NCMAP: variants seen among roughly 807,000 people sequenced by gnomAD.
The protein encoded by NCMAP is noncompact myelin-associated protein.
In NCMAP, 8 loss-of-function variants were observed where a neutral mutation model predicts 7.8. That is an observed-to-expected ratio of 1.02 (90% CI 0.60 to 1.84). The LOEUF is 1.84. Among genes scored for constraint, NCMAP ranks in the 40% most tolerant of loss-of-function variants. The probability of loss-of-function intolerance (pLI) is 0.00; values close to 1 mark genes in which losing one functional copy is unlikely to be tolerated. For synonymous variants in NCMAP, 41 were observed against 52.9 expected (o/e 0.78, Z 0.98); for missense variants, 112 against 131.4 (o/e 0.85, Z 0.72).
intron 1 of NCMAP, among the ~76,000 whole-genome samples, chr1:24,594,033 A>G (rs1202752221): frequency 1.4e-5 from 2 of 141,272 alleles, no homozygotes; most frequent in African/African-American, 4.9e-5. Context: ...CCGGGATTAC[A>G]GGCACCCACC....
chr1:24,578,021 G>T (rs141514727), intron 1 of NCMAP, among the ~76,000 whole-genome samples: 3,472 of 151,842 alleles, frequency 0.023, 124 homozygotes, highest in African/African-American at 0.08. Flanking sequence ...CCAGCACTTT[G>T]GGAGGCTGAG....
intron 1 of NCMAP, 132 bp downstream of exon 1, chr1:24,556,301 G>T (rs1650893892): frequency 6.6e-6 from 1 of 152,270 alleles, no homozygotes; most frequent in Non-Finnish European, 1.5e-5. Context: ...GGGGACGAGG[G>T]GTCCCCAGTC....
intron 1 of NCMAP, among the ~76,000 whole-genome samples, chr1:24,577,420 T>TTTTTTTTTTTTTTG (rs1557596597): frequency 6.3e-5 from 9 of 143,854 alleles, no homozygotes; most frequent in East Asian, 2.2e-4. Context: ...TTTTTTTTTT[T>TTTTTTTTTTTTTTG]TTTTTTTTTT....
intron 1 of NCMAP, among the ~76,000 whole-genome samples, chr1:24,587,027 C>G (rs994394480): frequency 1.3e-5 from 2 of 152,148 alleles, no homozygotes; most frequent in Non-Finnish European, 2.9e-5. Flanking sequence ...TTTATAATTC[C>G]TATTTCACAG....
intron 1 of NCMAP, among the ~76,000 whole-genome samples, chr1:24,559,487 G>C (rs1246050327): frequency 6.6e-6 from 1 of 152,224 alleles, no homozygotes; most frequent in African/African-American, 2.4e-5. Flanking sequence ...AGGGGGCGGA[G>C]CCAGAGGGGG....
intron 3 of NCMAP, among the ~76,000 whole-genome samples, chr1:24,602,748 A>G (rs1347076114): frequency 6.6e-6 from 1 of 150,618 alleles, no homozygotes; most frequent in Non-Finnish European, 1.5e-5. Context: ...GAAAAAAAAA[A>G]AAGTTTTTAA....
chr1:24,589,276 C>T (rs2148933558), intron 1 of NCMAP, among the ~76,000 whole-genome samples: 1 of 152,136 alleles, frequency 6.6e-6, no homozygotes, highest in South Asian at 2.1e-4. Context: ...GGTCATGGCC[C>T]CTGGTCTTAG....
intron 2 of NCMAP, among the ~76,000 whole-genome samples, chr1:24,597,629 A>G (rs796171883): frequency 8.7e-6 from 1 of 114,460 alleles, no homozygotes; most frequent in Non-Finnish European, 1.7e-5. Flanking sequence ...GAAAGAAAGA[A>G]AGAAAGAAAG....
intron 1 of NCMAP, among the ~76,000 whole-genome samples, chr1:24,577,401 G>GTTTTTTTTTTTTTTTTTTTTTTTT (rs71577720): frequency 8.5e-4 from 34 of 39,966 alleles, no homozygotes; most frequent in African/African-American, 9.5e-4. Context: ...CACTGGCCTT[G>GTTTTTTTTTTTTTTTTTTTTTTTT]TTTTTTTTTT....
At chr1:24,581,231 C>T (rs923647610) in intron 1 of NCMAP, among the ~76,000 whole-genome samples, 1 of 152,032 alleles carries the variant, frequency 6.6e-6, no homozygotes, top group Non-Finnish European at 1.5e-5. Flanking sequence ...ATTCTCCTGC[C>T]TCAGCCTCCC....
chr1:24,557,873 G>A (rs994367521), intron 1 of NCMAP, among the ~76,000 whole-genome samples: 5 of 152,154 alleles, frequency 3.3e-5, no homozygotes, highest in African/African-American at 1.2e-4. Flanking sequence ...TGGGCTTGAG[G>A]AACTGGCTGG....
At chr1:24,597,641 AAGAAAG>A (rs1194796297) in intron 2 of NCMAP, among the ~76,000 whole-genome samples, 23 of 126,328 alleles carry the variant, frequency 1.8e-4, no homozygotes, top group African/African-American at 8.2e-4. Context: ...GAAAGAAAGA[AAGAAAG>A]AAAGAAAGAA....
intron 1 of NCMAP, among the ~76,000 whole-genome samples, chr1:24,575,159 C>G (rs1032049303): frequency 2.0e-5 from 3 of 151,654 alleles, no homozygotes; most frequent in Non-Finnish European, 2.9e-5. Context: ...TGCAGTGACC[C>G]GAGATCGTGC....
chr1:24,594,383 T>A (rs1203362611), intron 1 of NCMAP, among the ~76,000 whole-genome samples: 1 of 152,086 alleles, frequency 6.6e-6, no homozygotes. Flanking sequence ...CAGAGAGTGT[T>A]TGAGTCCAAG....
chr1:24,599,491 C>A (rs1043309335), intron 2 of NCMAP, among the ~76,000 whole-genome samples: 3 of 151,976 alleles, frequency 2.0e-5, no homozygotes, highest in African/African-American at 7.3e-5. Flanking sequence ...TACTATGCAG[C>A]CATGGAAAGT....
chr1:24,601,901 T>C (rs1278635821), intron 3 of NCMAP, among the ~76,000 whole-genome samples: 2 of 151,718 alleles, frequency 1.3e-5, no homozygotes, highest in Non-Finnish European at 2.9e-5. Flanking sequence ...ATTAGCCGGG[T>C]GTGGCGGCGT....
At chr1:24,587,223 C>T (rs1222292428) in intron 1 of NCMAP, among the ~76,000 whole-genome samples, 1 of 152,162 alleles carries the variant, frequency 6.6e-6, no homozygotes, top group African/African-American at 2.4e-5. Flanking sequence ...GAATGAGGAA[C>T]CCATGAGGGA....
intron 1 of NCMAP, among the ~76,000 whole-genome samples, chr1:24,573,037 C>G (rs1651434381): frequency 6.6e-6 from 1 of 150,432 alleles, no homozygotes; most frequent in African/African-American, 2.5e-5. Flanking sequence ...AAGGAGCAAC[C>G]ATGACTGTGT....
intron 2 of NCMAP, among the ~76,000 whole-genome samples, chr1:24,597,490 A>G (rs1407939102): frequency 2.6e-5 from 3 of 113,772 alleles, no homozygotes; most frequent in African/African-American, 1.0e-4. Context: ...GGTGTCAGAG[A>G]GAGACTGTCA....
Sources: allele counts gnomAD v4.1 joint callset (sites outside exome capture counted in the v4.1 genomes callset), GRCh38; gene constraint gnomAD v4.1.1; transcripts MANE v1.5; gene names NCBI Gene and HGNC (gene_info 2026-07-23, HGNC 2026-07-21).